The following RANBP2 variants were observed in gnomAD, a reference collection of about 807,000 sequenced individuals.
RANBP2 encodes the protein E3 SUMO-protein ligase RanBP2.
A neutral mutation model predicts 303.6 loss-of-function variants in RANBP2; 57 were observed. The observed-to-expected ratio is 0.19, with a 90% CI of 0.15 to 0.23. The LOEUF is 0.23. Among genes scored for constraint, RANBP2 ranks in the 10% least tolerant of loss-of-function variants. The probability of loss-of-function intolerance (pLI) is 1.00; values close to 1 mark genes in which losing one functional copy is unlikely to be tolerated. For missense variants in RANBP2, 3,138 were observed against 3,780.8 expected (o/e 0.83, Z 4.46); for synonymous variants, 1,167 against 1,301.5 (o/e 0.90, Z 2.23).
chr2:108,871,370 TAAAAAAAA>T, the RANBP2 span, among the ~76,000 whole-genome samples: 82 of 76,656 alleles, frequency 1.1e-3, no homozygotes, highest in Middle Eastern at 7.8e-3. Flanking sequence ...CCAACTCTAT[TAAAAAAAA>T]AAAAAAAAAA....
At chr2:108,748,618 C>T (rs1345005041) in intron 8 of RANBP2, among the ~76,000 whole-genome samples, 1 of 152,124 alleles carries the variant, frequency 6.6e-6, no homozygotes, top group Non-Finnish European at 1.5e-5. Flanking sequence ...TCCCTGTTCT[C>T]CTATGGCCAC....
chr2:109,344,590 C>A, the RANBP2 span, among the ~76,000 whole-genome samples: 1 of 152,212 alleles, frequency 6.6e-6, no homozygotes, highest in Non-Finnish European at 1.5e-5. Context: ...GGGCATCCAG[C>A]CCATGACAGG....
the RANBP2 span, among the ~76,000 whole-genome samples, chr2:108,871,606 A>AT: frequency 3.9e-5 from 6 of 152,160 alleles, no homozygotes; most frequent in Non-Finnish European, 7.4e-5. Flanking sequence ...ACATTGTCCC[A>AT]TTTTTTGTAC....
the RANBP2 span, among the ~76,000 whole-genome samples, chr2:109,265,816 G>T: frequency 6.6e-6 from 1 of 152,224 alleles, no homozygotes; most frequent in Non-Finnish European, 1.5e-5. Flanking sequence ...AGGGCAGAGA[G>T]AAATAATGAG....
chr2:109,595,277 T>C, the RANBP2 span, among the ~76,000 whole-genome samples: 1 of 152,160 alleles, frequency 6.6e-6, no homozygotes, highest in Non-Finnish European at 1.5e-5. Flanking sequence ...AAAAGCTCAG[T>C]GAGGGACACA....
chr2:109,007,711 G>A, the RANBP2 span, among the ~76,000 whole-genome samples: 1 of 152,214 alleles, frequency 6.6e-6, no homozygotes, highest in Non-Finnish European at 1.5e-5. Context: ...TGGGTAGAAA[G>A]ATAAATCCCT....
At chr2:109,564,204 T>C in the RANBP2 span, 1 of 560,384 alleles carries the variant, frequency 1.8e-6, no homozygotes. Context: ...CAAGAAGGAG[T>C]CAAGTGATTC....
chr2:108,797,551 A>C, the RANBP2 span, among the ~76,000 whole-genome samples: 4 of 152,144 alleles, frequency 2.6e-5, no homozygotes, highest in African/African-American at 9.7e-5. Context: ...GGGTGGGGCC[A>C]AGAGAGATTT....
At chr2:108,959,642 G>C in the RANBP2 span, among the ~76,000 whole-genome samples, 679 of 152,268 alleles carry the variant, frequency 4.5e-3, 2 homozygotes, top group African/African-American at 0.016. Context: ...GCCGGCTGTG[G>C]CATGCGCCCT....
the RANBP2 span, among the ~76,000 whole-genome samples, chr2:109,521,385 C>T: frequency 6.6e-6 from 1 of 152,144 alleles, no homozygotes; most frequent in Admixed American, 6.5e-5. Context: ...TCAGGCTCCC[C>T]AGGGTGCTGA....
the RANBP2 span, among the ~76,000 whole-genome samples, chr2:109,557,171 A>T: frequency 4.6e-5 from 7 of 151,616 alleles, no homozygotes; most frequent in Admixed American, 3.3e-4. Context: ...AAAGTATAAT[A>T]AAAAAAAATT....
At chr2:108,950,471 G>A in the RANBP2 span, among the ~76,000 whole-genome samples, 40 of 152,194 alleles carry the variant, frequency 2.6e-4, 1 homozygote, top group African/African-American at 8.7e-4. Flanking sequence ...TATAAGGGCC[G>A]ATGGTGTTTA....
At chr2:109,071,248 G>A in the RANBP2 span, among the ~76,000 whole-genome samples, 1 of 152,308 alleles carries the variant, frequency 6.6e-6, no homozygotes, top group Non-Finnish European at 1.5e-5. Flanking sequence ...ATTCAAGGAT[G>A]TCTCCTGGGT....
chr2:109,349,831 C>T, the RANBP2 span, among the ~76,000 whole-genome samples: 4 of 152,368 alleles, frequency 2.6e-5, no homozygotes, highest in East Asian at 5.8e-4. Context: ...CTGCATTCCA[C>T]GGGCCTCTGC....
At chr2:109,001,838 C>G in the RANBP2 span, among the ~76,000 whole-genome samples, 2 of 152,118 alleles carry the variant, frequency 1.3e-5, no homozygotes, top group African/African-American at 4.8e-5. Flanking sequence ...TCATGCCATT[C>G]TCCTGCCTCA....
the RANBP2 span, among the ~76,000 whole-genome samples, chr2:109,175,849 T>A: frequency 6.6e-6 from 1 of 152,344 alleles, no homozygotes; most frequent in South Asian, 2.1e-4. Flanking sequence ...TTTTTAAACA[T>A]GTCTTTTAGT....
the RANBP2 span, among the ~76,000 whole-genome samples, chr2:108,942,800 G>A: frequency 1.3e-5 from 2 of 152,240 alleles, no homozygotes; most frequent in Non-Finnish European, 2.9e-5. Flanking sequence ...AGGAGGAGGC[G>A]CGCTAAGAAA....
chr2:109,188,494 G>A, the RANBP2 span, among the ~76,000 whole-genome samples: 6 of 152,204 alleles, frequency 3.9e-5, no homozygotes, highest in African/African-American at 4.8e-5. Flanking sequence ...TTGTCCCTGG[G>A]TTTGGCTCTT....
At chr2:109,040,729 C>T in the RANBP2 span, among the ~76,000 whole-genome samples, 4 of 152,132 alleles carry the variant, frequency 2.6e-5, no homozygotes, top group Non-Finnish European at 5.9e-5. Context: ...TCCTATTATA[C>T]CTCTTGATCT....
Sources: allele counts gnomAD v4.1 joint callset (sites outside exome capture counted in the v4.1 genomes callset), GRCh38; gene constraint gnomAD v4.1.1; transcripts MANE v1.5; gene names NCBI Gene and HGNC (gene_info 2026-07-23, HGNC 2026-07-21).